The following SGCD variants were observed in gnomAD, a reference collection of about 807,000 sequenced individuals.
SGCD encodes delta-sarcoglycan.
A neutral mutation model predicts 36.6 loss-of-function variants in SGCD; 18 were observed. That is an observed-to-expected ratio of 0.49 (90% CI 0.34 to 0.73). The LOEUF (loss-of-function observed/expected upper bound fraction) is 0.73, where lower values mean the gene tolerates loss of function less well. SGCD is among the 30% of genes least tolerant of loss of function. The pLI is 0.01. For missense variants in SGCD, 387 were observed against 346.7 expected (o/e 1.12, Z -0.92); for synonymous variants, 133 against 130.6 (o/e 1.02, Z -0.12).
chr5:156,234,488 A>G (rs1414013453), intron 3 of SGCD, among the ~76,000 whole-genome samples: 1 of 152,188 alleles, frequency 6.6e-6, no homozygotes, highest in Non-Finnish European at 1.5e-5. Context: ...GAACCTAAGC[A>G]TGTGCCACAC....
intron 3 of SGCD, among the ~76,000 whole-genome samples, chr5:156,244,812 T>C (rs1304115594): frequency 6.6e-6 from 1 of 152,192 alleles, no homozygotes; most frequent in Non-Finnish European, 1.5e-5. Context: ...TAACAGAACT[T>C]CAGTCATCAG....
chr5:156,293,656 T>C (rs374802210), intron 3 of SGCD, among the ~76,000 whole-genome samples: 1 of 152,172 alleles, frequency 6.6e-6, no homozygotes, highest in African/African-American at 2.4e-5. Flanking sequence ...TATTCTATTT[T>C]ATTCCGTTGG....
intron 3 of SGCD, among the ~76,000 whole-genome samples, chr5:156,405,486 A>T (rs1194644737): frequency 2.0e-5 from 3 of 152,190 alleles, no homozygotes; most frequent in Non-Finnish European, 4.4e-5. Flanking sequence ...TTACAAACCC[A>T]TGTCAACTCT....
At chr5:155,817,714 T>G in the SGCD span, among the ~76,000 whole-genome samples, 2 of 152,166 alleles carry the variant, frequency 1.3e-5, no homozygotes, top group South Asian at 4.1e-4. Flanking sequence ...TTTTTTGTCC[T>G]TCCCCTGTGA....
At chr5:156,320,224 A>G (rs923954754) in intron 3 of SGCD, among the ~76,000 whole-genome samples, 2 of 151,786 alleles carry the variant, frequency 1.3e-5, no homozygotes, top group Non-Finnish European at 2.9e-5. Context: ...ATTAGCTTGG[A>G]ATTCCTGCAC....
At chr5:156,271,578 A>G (rs1766180700) in intron 3 of SGCD, among the ~76,000 whole-genome samples, 1 of 152,180 alleles carries the variant, frequency 6.6e-6, no homozygotes, top group African/African-American at 2.4e-5. Flanking sequence ...ATCCAAAAAT[A>G]TTAAAACTAT....
chr5:156,460,679 C>G (rs1472286720), intron 3 of SGCD, among the ~76,000 whole-genome samples: 2 of 152,096 alleles, frequency 1.3e-5, no homozygotes, highest in African/African-American at 4.8e-5. Context: ...ATTTCATAGC[C>G]TGAGATAGTT....
chr5:156,070,010 T>C (rs561596646), intron 1 of SGCD, among the ~76,000 whole-genome samples: 2 of 152,016 alleles, frequency 1.3e-5, no homozygotes, highest in Non-Finnish European at 2.9e-5. Flanking sequence ...AAGTTGCTTA[T>C]CAGCTTAAGG....
intron 3 of SGCD, among the ~76,000 whole-genome samples, chr5:156,283,346 G>A (rs915962988): frequency 6.6e-6 from 1 of 152,166 alleles, no homozygotes; most frequent in Non-Finnish European, 1.5e-5. Flanking sequence ...ACTCCGTTAT[G>A]CACAGATCAG....
chr5:156,277,800 G>A (rs1243556459), intron 3 of SGCD, among the ~76,000 whole-genome samples: 1 of 152,136 alleles, frequency 6.6e-6, no homozygotes, highest in Non-Finnish European at 1.5e-5. Context: ...GAAGATTGAG[G>A]AGTAATTGAT....
intron 4 of SGCD, among the ~76,000 whole-genome samples, chr5:156,518,912 A>G (rs1348319065): frequency 6.6e-6 from 1 of 152,178 alleles, no homozygotes; most frequent in Admixed American, 6.5e-5. Context: ...AAAGATCTCA[A>G]ATGAACATCC....
At chr5:156,695,546 TAGATAGATAGATAGATAG>T (rs1233194077) in intron 7 of SGCD, among the ~76,000 whole-genome samples, 16 of 151,430 alleles carry the variant, frequency 1.1e-4, no homozygotes, top group African/African-American at 3.9e-4. Flanking sequence ...GATAGATAGA[TAGATAGATAGATAGATAG>T]ATAGATATCC....
the SGCD span, among the ~76,000 whole-genome samples, chr5:155,779,221 T>G: frequency 6.6e-6 from 1 of 152,076 alleles, no homozygotes; most frequent in Non-Finnish European, 1.5e-5. Context: ...GGTGAATCAC[T>G]TAAGTTGAGG....
intron 3 of SGCD, among the ~76,000 whole-genome samples, chr5:156,311,524 C>T (rs1435226372): frequency 2.0e-5 from 3 of 152,038 alleles, no homozygotes; most frequent in African/African-American, 7.2e-5. Flanking sequence ...TCATAGAATA[C>T]AGTATCTTAG....
Position 156,746,068 on chromosome 5 carries a change from G to A in SGCD, c.576-11513G>A, listed in dbSNP as rs577957749. Among the ~76,000 whole-genome samples the A allele has an allele frequency of 7.3e-5, 11 of 150,990 alleles. No individual in the cohort carries two copies. The East Asian group carries it at 1.2e-3, about 16-fold the overall frequency. The stretch of plus-strand genomic sequence containing the variant: ...AAAATTAAAATACTGCAAATAAAGC[G>A]AAATTTACATGCAGACATATCAGAA... On this transcript the variant is annotated intron_variant, in intron 7 of 8. Coordinates refer to ENST00000337851, the MANE Select transcript of SGCD (RefSeq NM_000337.6).
the SGCD span, among the ~76,000 whole-genome samples, chr5:155,830,244 C>A: frequency 2.6e-5 from 4 of 152,206 alleles, no homozygotes; most frequent in Admixed American, 2.0e-4. Flanking sequence ...AAAGTGCCAG[C>A]AGGGTGGGCT....
intron 1 of SGCD, among the ~76,000 whole-genome samples, chr5:155,953,000 A>G (rs1757575671): frequency 6.6e-6 from 1 of 152,190 alleles, no homozygotes; most frequent in African/African-American, 2.4e-5. Flanking sequence ...ACTGAAAGAT[A>G]ATATGAACTT....
chr5:156,686,378 A>G (rs996565315), intron 7 of SGCD, among the ~76,000 whole-genome samples: 8 of 152,194 alleles, frequency 5.3e-5, no homozygotes, highest in African/African-American at 9.6e-5. Context: ...TGTCAGGACT[A>G]TGGTAATCTG....
At chr5:156,463,275 C>G (rs1028638567) in intron 3 of SGCD, among the ~76,000 whole-genome samples, 1 of 152,110 alleles carries the variant, frequency 6.6e-6, no homozygotes, top group Non-Finnish European at 1.5e-5. Flanking sequence ...ATCTCCTGAC[C>G]TTGTGATCTG....
Sources: gnomAD v4.1 joint callset for allele counts (sites outside exome capture counted in the v4.1 genomes callset) on GRCh38, gnomAD v4.1.1 for gene constraint, MANE v1.5 for transcripts, NCBI Gene and HGNC (gene_info 2026-07-23, HGNC 2026-07-21) for gene names.